MPLKIP: variants seen among roughly 807,000 people sequenced by gnomAD.
MPLKIP encodes M-phase specific PLK1 interacting protein.
MPLKIP carries 16 observed loss-of-function variants against 16.9 expected under a neutral mutation model. The observed-to-expected ratio is 0.94, with a 90% CI of 0.64 to 1.43. MPLKIP has a LOEUF of 1.43. Among genes scored for constraint, MPLKIP ranks in the 40% most tolerant of loss-of-function variants. The pLI is 0.00. For missense variants in MPLKIP, 282 were observed against 237.6 expected (o/e 1.19, Z -1.23); for synonymous variants, 126 against 98.4 (o/e 1.28, Z -1.66).
At position 40,132,392 on chromosome 7, in the gene MPLKIP, T is replaced by C. The variant is rs143723112; in HGVS notation, c.*667A>G. The C allele has an allele frequency of 6.6e-6, 1 of 152,634 alleles. No homozygotes were observed. The highest frequency in any genetic ancestry group is 1.9e-4 in the East Asian group (1 of 5,192). 9.5% of individuals were successfully genotyped at this position (152,634 alleles called of 1,614,324 possible). A position where few individuals can be genotyped will look rare whatever the true frequency, so the allele number is the denominator to read the frequency against. ...GCCTCAAGAGAAACTAACTCCATAATGCTAAGAGGTATAGAGAAATTCAGA... is the reference window on the plus strand; with the variant it reads ...GCCTCAAGAGAAACTAACTCCATAACGCTAAGAGGTATAGAGAAATTCAGA... On this transcript the variant is annotated 3_prime_UTR_variant, in exon 2 of 2. Coordinates refer to ENST00000306984, the MANE Select transcript of MPLKIP (RefSeq NM_138701.4).
Position 40,129,662 on chromosome 7 carries a change from G to A in MPLKIP, c.*3397C>T, listed in dbSNP as rs532515686. The A allele has an allele frequency of 6.6e-6, 1 of 152,198 alleles. No homozygotes were observed. Among genetic ancestry groups the A allele is most frequent in the East Asian group, 1.9e-4 (1 of 5,152 alleles). 9.4% of individuals were successfully genotyped at this position (152,198 alleles called of 1,614,324 possible). On this transcript the variant is annotated 3_prime_UTR_variant, in exon 2 of 2. Transcript: ENST00000306984. ...GAAGTTGGCTAAGGGGCCAAGCGTG[G>A]TGGCTCACACCTGTAATTCCAGCAC...
At position 40,133,070 on chromosome 7, in the gene MPLKIP, A is replaced by G; in HGVS notation, c.529T>C (p.Tyr177His). The G allele has an allele frequency of 6.2e-7, 1 of 1,613,834 alleles. No homozygotes were observed. The change falls in exon 2 of 2, where the codon TAC becomes CAC. Residue 177 changes from tyrosine (Y) to histidine (H), a missense_variant. Physicochemically the swap from Tyr to His is moderately conservative, Grantham distance 83 (BLOSUM62 2). Coordinates refer to ENST00000306984, the MANE Select transcript of MPLKIP (RefSeq NM_138701.4). ...TQTFTGKKGRYFC is the reference protein window; with the variant it reads ...TQTFTGKKGRHFC ...GAATTTCAGAAATGTTAACAAAAGTATCTTCCTTTTTTGCCTGTGAATGTT... is the reference window on the plus strand; with the variant it reads ...GAATTTCAGAAATGTTAACAAAAGTGTCTTCCTTTTTTGCCTGTGAATGTT...
rs746398211 is a variant in MPLKIP, at chr7:40,134,559, T to C, written c.9A>G (p.Arg3=). The C allele has an allele frequency of 2.4e-5, 38 of 1,589,902 alleles. No homozygotes were observed. The highest frequency in any genetic ancestry group is 3.2e-5 in the Non-Finnish European group (37 of 1,170,722). ...GAGGAGTTGGGGGCCGAAAATTCTG[T>C]CGCTGCATATCAGGAGCCAAAGCCG... MQ[R]QNFRPPTPPY... is the part of the protein sequence containing the mutation. Residue 3 remains arginine (R), a synonymous_variant, in exon 1 of 2, where the codon CGA becomes CGG. Coordinates refer to ENST00000306984, the MANE Select transcript of MPLKIP (RefSeq NM_138701.4).
chr7:40,134,235 G>A lies in MPLKIP; in HGVS notation c.333C>T (p.His111=), dbSNP rs755309730. 7.7e-6 allele frequency: 12 copies of A among 1,554,980 alleles called. 1 individual carries two copies. Among genetic ancestry groups the A allele is most frequent in the Non-Finnish European group, 1.0e-5 (12 of 1,149,126 alleles). Residue 111 remains histidine, a synonymous_variant, in exon 1 of 2, where the codon CAC becomes CAT. Coordinates refer to ENST00000306984, the MANE Select transcript of MPLKIP (RefSeq NM_138701.4). The stretch of plus-strand genomic sequence containing the variant: ...CGCTGGCTATTATTATTACCTGGGG[G>A]TGGGTCTGCTGCTGCCCTGGGGAGT... ...FGYSPGQQQT[H]PQGSPRTSTP... is the part of the protein sequence containing the mutation.
chr7:40,134,114 T>C, intron 1 of MPLKIP, 115 bp downstream of exon 1: 2 of 1,228,298 alleles, frequency 1.6e-6, no homozygotes, highest in Non-Finnish European at 1.1e-6. Context: ...TCTGCAAAAT[T>C]GGGCTAACAA....
rs1365095726 is a variant in MPLKIP at position 40,133,241 on chromosome 7, T to G, written c.358A>C (p.Thr120Pro). The G allele has an allele frequency of 2.5e-6, 4 of 1,613,264 alleles. No homozygotes were observed. The African/African-American group carries it at 5.3e-5, about 22-fold the overall frequency. ...CTAACACGCCCTGATCCAAATGGTG[T>G]AGATGTCCTTGGAGAACCCTTTAGA... Reference protein sequence around the residue: ...THPQGSPRTSTPFGSGRVREK... With the variant: ...THPQGSPRTSPPFGSGRVREK... Residue 120 changes from threonine (T) to proline (P), a missense_variant, in exon 2 of 2, where the codon ACA becomes CCA. Coordinates refer to ENST00000306984, the MANE Select transcript of MPLKIP (RefSeq NM_138701.4).
At position 40,132,290 on chromosome 7, in the gene MPLKIP, C is replaced by G. The variant is rs1385830976; in HGVS notation, c.*769G>C. ...GATCTAAGTATGGCAAATTTGTCTT[C>G]TCTTGGATTGATGGAGATGAGAGAT... is the stretch of plus-strand genomic sequence containing the variant. On this transcript the variant is annotated 3_prime_UTR_variant, in exon 2 of 2. Coordinates refer to ENST00000306984, the MANE Select transcript of MPLKIP (RefSeq NM_138701.4). 3 of 152,178 alleles carry G rather than the reference C, an allele frequency of 2.0e-5. No individual in the cohort carries two copies. Among genetic ancestry groups the G allele is most frequent in the African/African-American group, 7.2e-5 (3 of 41,420 alleles). 9.4% of individuals were successfully genotyped at this position (152,178 alleles called of 1,614,324 possible).
In MPLKIP at chr7:40,134,432, C is replaced by A. The variant is rs751554073; in HGVS notation, c.136G>T (p.Gly46Trp). Reference protein sequence around the residue: ...PRPPSPRDGYGSPHHTPPYGP... With the variant: ...PRPPSPRDGYWSPHHTPPYGP... ...TACGGCGGCGTGTGGTGCGGACTCC[C>A]GTACCCGTCTCGAGGGGAGGGCGGC... Residue 46 changes from glycine (G) to tryptophan (W), a missense_variant, in exon 1 of 2, where the codon GGG becomes TGG. By Grantham distance (184) the Gly-to-Trp change is radical (BLOSUM62 -2). Transcript: ENST00000306984. The A allele has an allele frequency of 1.9e-5, 30 of 1,566,360 alleles. No homozygotes were observed. The highest frequency in any genetic ancestry group is 2.4e-5 in the Non-Finnish European group (28 of 1,157,486).
Position 40,134,569 on chromosome 7 carries a change from T to G in MPLKIP, c.-2A>C. 1 of 1,586,666 alleles carries G rather than the reference T, an allele frequency of 6.3e-7. No individual in the cohort carries two copies. Among genetic ancestry groups the G allele is most frequent in the Non-Finnish European group, 8.6e-7 (1 of 1,169,226 alleles). On this transcript the variant is annotated 5_prime_UTR_variant, in exon 1 of 2. Transcript: ENST00000306984. ...GGGCCGAAAATTCTGTCGCTGCATA[T>G]CAGGAGCCAAAGCCGAAAACCTCGC...
In MPLKIP at chr7:40,134,338, C is replaced by T; in HGVS notation, c.230G>A (p.Arg77Gln). ...GCCGCCAGGGGACGGAGACCCGAAC[C>T]GGCCCCCCGGGAAGCTGCCGCCGTG... is the stretch of plus-strand genomic sequence containing the variant. ...PRHGGSFPGG[R>Q]FGSPSPGGYP... The change falls in exon 1 of 2, where the codon CGG (arginine) becomes CAG (glutamine). Residue 77 changes from arginine to glutamine, a missense_variant. Transcript: ENST00000306984. 6.4e-7 allele frequency: 1 copy of T among 1,552,864 alleles called. No individual in the cohort carries two copies. The highest frequency in any genetic ancestry group is 8.7e-7 in the Non-Finnish European group (1 of 1,148,982).
Position 40,133,230 on chromosome 7 carries a change from TC to T in MPLKIP, c.368del (p.Gly123AspfsTer30). On this transcript the variant is annotated frameshift_variant, in exon 2 of 2. Transcript: ENST00000306984. LOFTEE classifies it high-confidence loss of function. Reference protein sequence around the residue: ...QGSPRTSTPFGSGRVREKRMS... With the variant: ...QGSPRTSTPFXSGRVREKRMS... ...TTCTTTTTTCTCTAACACGCCCTGATCCAAATGGTGTAGATGTCCTTGGAGA... is the reference window on the plus strand; with the variant it reads ...TTCTTTTTTCTCTAACACGCCCTGATCAAATGGTGTAGATGTCCTTGGAGA... The T allele has an allele frequency of 6.2e-7, 1 of 1,613,476 alleles. No individual in the cohort carries two copies. Among genetic ancestry groups the T allele is most frequent in the Non-Finnish European group, 8.5e-7 (1 of 1,179,950 alleles).
At chr7:40,133,749 C>G (rs1047102321) in intron 1 of MPLKIP, among the ~76,000 whole-genome samples, 1 of 152,068 alleles carries the variant, frequency 6.6e-6, no homozygotes, top group African/African-American at 2.4e-5. Flanking sequence ...TTGTAAACCA[C>G]AGAAATCCCA....
chr7:40,134,321 G>T lies in MPLKIP; in HGVS notation c.247C>A (p.Pro83Thr). The change falls in exon 1 of 2, where the codon CCT becomes ACT. Residue 83 changes from proline (P) to threonine (T), a missense_variant. Transcript: ENST00000306984. ...GAGTAGGAGCCAGGGTAGCCGCCAG[G>T]GGACGGAGACCCGAACCGGCCCCCC... Reference protein sequence around the residue: ...FPGGRFGSPSPGGYPGSYSRS... With the variant: ...FPGGRFGSPSTGGYPGSYSRS... 6.4e-7 allele frequency: 1 copy of T among 1,554,872 alleles called. No individual in the cohort carries two copies. Among genetic ancestry groups the T allele is most frequent in the Non-Finnish European group, 8.7e-7 (1 of 1,149,662 alleles).
intron 1 of MPLKIP, among the ~76,000 whole-genome samples, 154 bp downstream of exon 1, chr7:40,134,075 C>T (rs905783579): frequency 2.6e-5 from 4 of 152,090 alleles, no homozygotes; most frequent in Admixed American, 2.0e-4. Context: ...CCGGAAGTCA[C>T]TCAACTTCTC....
Position 40,134,222 on chromosome 7 carries a change from T to C in MPLKIP, c.339+7A>G, listed in dbSNP as rs369448788. ...AGAGCTCGGCAAACGCTGGCTATTA[T>C]TATTACCTGGGGGTGGGTCTGCTGC... is the stretch of plus-strand genomic sequence containing the variant. On this transcript the variant is annotated splice_region_variant and intron_variant, in intron 1 of 1. Coordinates refer to ENST00000306984, the MANE Select transcript of MPLKIP (RefSeq NM_138701.4). The C allele has an allele frequency of 6.4e-6, 10 of 1,552,636 alleles. No individual in the cohort carries two copies. The highest frequency in any genetic ancestry group is 1.2e-5 in the South Asian group (1 of 84,184).
In MPLKIP at chr7:40,133,207, C is replaced by CT; in HGVS notation, c.391dup (p.Arg131LysfsTer4). On this transcript the variant is annotated frameshift_variant, in exon 2 of 2. Coordinates refer to ENST00000306984, the MANE Select transcript of MPLKIP (RefSeq NM_138701.4). LOFTEE classifies it high-confidence loss of function. Reference sequence around the variant, plus strand: ...ATAATTTTCCAACTCATTAGACATTCTTTTTTCTCTAACACGCCCTGATCC... The same window carrying CT: ...ATAATTTTCCAACTCATTAGACATTCTTTTTTTCTCTAACACGCCCTGATCC... The CT allele has an allele frequency of 6.2e-7, 1 of 1,613,712 alleles. No individual in the cohort carries two copies. Among genetic ancestry groups the CT allele is most frequent in the South Asian group, 1.1e-5 (1 of 91,066 alleles).
Position 40,129,259 on chromosome 7 carries a change from AT to A in MPLKIP, c.*3799del, listed in dbSNP as rs72174660. 70,137 of 142,726 alleles carry A rather than the reference AT, an allele frequency of 0.49. 17,027 individuals carry two copies. The highest frequency in any genetic ancestry group is 0.63 in the Middle Eastern group (177 of 280). The allele number at this position is 142,726 out of a possible 1,614,324, so 8.8% of individuals were successfully genotyped here. A position where few individuals can be genotyped will look rare whatever the true frequency, so the allele number is the denominator to read the frequency against. On this transcript the variant is annotated 3_prime_UTR_variant, in exon 2 of 2. Coordinates refer to ENST00000306984, the MANE Select transcript of MPLKIP (RefSeq NM_138701.4). ...ATCTCCACACGGGCCAATATAACTT[AT>A]TTTTTTTTTTTTTTGAGATGGAGTA...
chr7:40,134,133 C>G (rs1787536427), intron 1 of MPLKIP, 96 bp downstream of exon 1: 2 of 1,417,652 alleles, frequency 1.4e-6, no homozygotes, highest in Non-Finnish European at 1.9e-6. Flanking sequence ...AATAGTACCT[C>G]AGAGAGGATT....
rs555446446 is a variant in MPLKIP at position 40,133,020 on chromosome 7, T to G, written c.*39A>C. 1.3e-6 allele frequency: 2 copies of G among 1,573,752 alleles called. No homozygotes were observed. Among genetic ancestry groups the G allele is most frequent in the South Asian group, 2.2e-5 (2 of 89,934 alleles). ...ACAACTTAAAGTTTTGTCCAAGATG[T>G]TCCTGACACATGAAGCTTCCAGTTG... On this transcript the variant is annotated 3_prime_UTR_variant, in exon 2 of 2. Coordinates refer to ENST00000306984, the MANE Select transcript of MPLKIP (RefSeq NM_138701.4).
Sources: gnomAD v4.1 joint callset for allele counts (sites outside exome capture counted in the v4.1 genomes callset) on GRCh38, gnomAD v4.1.1 for gene constraint, MANE v1.5 for transcripts, NCBI Gene and HGNC (gene_info 2026-07-23, HGNC 2026-07-21) for gene names.